The following TMEM135 variants were observed in gnomAD, a reference collection of about 807,000 sequenced individuals.
The protein encoded by TMEM135 is peroxisomal membrane protein 52.
Under a neutral mutation model 60.3 loss-of-function variants are expected in TMEM135, and 30 were observed. The ratio of observed to expected loss-of-function variants is 0.50; its 90% CI spans 0.37 to 0.68. TMEM135 has a LOEUF of 0.68. TMEM135 is among the 30% of genes least tolerant of loss of function. The pLI is 0.00. For synonymous variants in TMEM135, 190 were observed against 186.7 expected (o/e 1.02, Z -0.14); for missense variants, 468 against 548.8 (o/e 0.85, Z 1.47).
chr11:87,228,953 A>G (rs1301117071), intron 5 of TMEM135, among the ~76,000 whole-genome samples: 1 of 152,146 alleles, frequency 6.6e-6, no homozygotes, highest in African/African-American at 2.4e-5. Context: ...ATTCTACATG[A>G]CATAGTGATG....
chr11:87,301,368 G>A (rs527250162), intron 7 of TMEM135, among the ~76,000 whole-genome samples: 12 of 151,876 alleles, frequency 7.9e-5, no homozygotes, highest in Middle Eastern at 3.4e-3. Flanking sequence ...ATCCTCCCAC[G>A]TCAGCCTCCC....
intron 6 of TMEM135, among the ~76,000 whole-genome samples, chr11:87,294,017 G>C (rs192205125): frequency 3.9e-5 from 6 of 152,158 alleles, no homozygotes; most frequent in African/African-American, 1.4e-4. Flanking sequence ...AGCCTCACCA[G>C]CATCTATTGT....
intron 2 of TMEM135, among the ~76,000 whole-genome samples, chr11:87,068,370 G>T (rs1045601774): frequency 6.6e-6 from 1 of 152,084 alleles, no homozygotes; most frequent in Non-Finnish European, 1.5e-5. Context: ...TTACTTATCT[G>T]ACATATTTAT....
At chr11:87,275,121 G>A (rs1941945009) in intron 6 of TMEM135, among the ~76,000 whole-genome samples, 2 of 151,962 alleles carry the variant, frequency 1.3e-5, no homozygotes, top group African/African-American at 2.4e-5. Flanking sequence ...AGCATGTGAA[G>A]TGTTACTATG....
chr11:87,132,422 T>C (rs1937958710), intron 4 of TMEM135, among the ~76,000 whole-genome samples: 1 of 152,190 alleles, frequency 6.6e-6, no homozygotes, highest in Admixed American at 6.5e-5. Flanking sequence ...CAAGAATTAA[T>C]GGAAAGTCCT....
rs1248487905 is a variant in TMEM135 at position 87,323,330 on chromosome 11, A to G, written c.*1997A>G. ...GAATGTATAGGTTGAGTGAATAACCAATTTGCAGTGGTGGATTGAGAAGTC... is the reference window on the plus strand; with the variant it reads ...GAATGTATAGGTTGAGTGAATAACCGATTTGCAGTGGTGGATTGAGAAGTC... On this transcript the variant is annotated 3_prime_UTR_variant, in exon 15 of 15. Transcript: ENST00000305494. 2.2e-6 allele frequency: 1 copy of G among 454,034 alleles called. No individual in the cohort carries two copies. The highest frequency in any genetic ancestry group is 7.0e-5 in the East Asian group (1 of 14,386). The allele number at this position is 454,034 out of a possible 1,614,324, so 28.1% of individuals were successfully genotyped here.
intron 5 of TMEM135, among the ~76,000 whole-genome samples, chr11:87,197,489 G>A (rs530442089): frequency 6.6e-6 from 1 of 152,162 alleles, no homozygotes; most frequent in African/African-American, 2.4e-5. Flanking sequence ...CCTGTAATTT[G>A]ACATTAGATA....
chr11:87,218,099 G>A (rs1334293601), intron 5 of TMEM135, among the ~76,000 whole-genome samples: 1 of 152,106 alleles, frequency 6.6e-6, no homozygotes, highest in African/African-American at 2.4e-5. Flanking sequence ...GGTGGGGATG[G>A]CAGAGGGGTG....
intron 4 of TMEM135, among the ~76,000 whole-genome samples, chr11:87,138,493 C>T (rs573082581): frequency 6.7e-6 from 1 of 149,000 alleles, no homozygotes; most frequent in East Asian, 1.9e-4. Context: ...TTTGCTAAAC[C>T]ACATACCCCA....
chr11:87,075,125 C>A (rs563559953), intron 3 of TMEM135, among the ~76,000 whole-genome samples: 94 of 152,146 alleles, frequency 6.2e-4, no homozygotes, highest in African/African-American at 2.2e-3. Flanking sequence ...CACCACTATG[C>A]TCAGCTAATT....
In TMEM135 at chr11:87,323,565, G is replaced by A; in HGVS notation, c.*2232G>A. The A allele has an allele frequency of 4.4e-6, 2 of 453,026 alleles. No homozygotes were observed. The highest frequency in any genetic ancestry group is 8.8e-6 in the Non-Finnish European group (2 of 226,516). 28.1% of individuals were successfully genotyped at this position (453,026 alleles called of 1,614,324 possible). A position where few individuals can be genotyped will look rare whatever the true frequency, so the allele number is the denominator to read the frequency against. ...TAGTTTATTTATATCCTGAAGAAAT[G>A]GTAAGTTTTCACTGGAACTGATTAC... On this transcript the variant is annotated 3_prime_UTR_variant, in exon 15 of 15. Transcript: ENST00000305494.
At position 87,238,760 on chromosome 11, in the gene TMEM135, A is replaced by T. The variant is rs374683869; in HGVS notation, c.509+2076A>T. Among the ~76,000 whole-genome samples, 8 of 152,168 alleles carry T rather than the reference A, an allele frequency of 5.3e-5. No homozygotes were observed. In the East Asian group the frequency reaches 1.5e-3, roughly 29 times the overall value. ...TATTTTTATGTTCTATCTAGCCTGA[A>T]GATATAGCATACCCAGTAGGGAAAA... On this transcript the variant is annotated intron_variant, in intron 6 of 14. Coordinates refer to ENST00000305494, the MANE Select transcript of TMEM135 (RefSeq NM_022918.4).
intron 5 of TMEM135, among the ~76,000 whole-genome samples, chr11:87,203,955 C>T (rs1362519071): frequency 1.3e-5 from 2 of 151,864 alleles, no homozygotes; most frequent in Admixed American, 1.3e-4. Flanking sequence ...AATATTTTTG[C>T]CTTTATCATT....
chr11:87,062,632 T>G (rs1452043366), intron 1 of TMEM135, among the ~76,000 whole-genome samples: 1 of 151,412 alleles, frequency 6.6e-6, no homozygotes, highest in Non-Finnish European at 1.5e-5. Flanking sequence ...GCCCGGCTAA[T>G]TTTTGTATTT....
intron 5 of TMEM135, among the ~76,000 whole-genome samples, chr11:87,158,795 G>A (rs940760320): frequency 6.6e-6 from 1 of 152,102 alleles, no homozygotes; most frequent in Non-Finnish European, 1.5e-5. Context: ...AGTATATTTT[G>A]TCTATACAGA....
rs373594054 is a variant in TMEM135, at chr11:87,092,450, T to C, written c.396+1055T>C. 1.1e-4 allele frequency among the ~76,000 whole-genome samples: 17 copies of C among 152,310 alleles called. No homozygotes were observed. The South Asian group carries it at 1.7e-3, about 15-fold the overall frequency. On this transcript the variant is annotated intron_variant, in intron 4 of 14. Transcript: ENST00000305494. Reference sequence around the variant, plus strand: ...AGAAAACTGCTCATGTAAGGAATGATACCTAAATTTCATTTCAGAGTGTTC... The same window carrying C: ...AGAAAACTGCTCATGTAAGGAATGACACCTAAATTTCATTTCAGAGTGTTC...
intron 6 of TMEM135, among the ~76,000 whole-genome samples, chr11:87,280,864 G>A (rs562657601): frequency 1.3e-5 from 2 of 152,232 alleles, no homozygotes; most frequent in South Asian, 4.1e-4. Flanking sequence ...AGACTTTATG[G>A]TCTCACCTCT....
intron 6 of TMEM135, among the ~76,000 whole-genome samples, chr11:87,247,752 G>C (rs372931554): frequency 2.0e-5 from 3 of 152,074 alleles, no homozygotes; most frequent in African/African-American, 7.2e-5. Context: ...TCCAGGTGCC[G>C]TCTGTCACCC....
rs1939336910 is a variant in TMEM135, at chr11:87,175,189, A to G, written c.462+17783A>G. Reference sequence around the variant, plus strand: ...CTCCAATTCCATGAATCAAAACAACATATTATATTTTGGCAGGTTCTTAGA... The same window carrying G: ...CTCCAATTCCATGAATCAAAACAACGTATTATATTTTGGCAGGTTCTTAGA... On this transcript the variant is annotated intron_variant, in intron 5 of 14. Coordinates refer to ENST00000305494, the MANE Select transcript of TMEM135 (RefSeq NM_022918.4). Among the ~76,000 whole-genome samples, 8 of 152,198 alleles carry G rather than the reference A, an allele frequency of 5.3e-5. No individual in the cohort carries two copies. The South Asian group carries it at 1.2e-3, about 24-fold the overall frequency.
Sources: allele counts gnomAD v4.1 joint callset (sites outside exome capture counted in the v4.1 genomes callset), GRCh38; gene constraint gnomAD v4.1.1; transcripts MANE v1.5; gene names NCBI Gene and HGNC (gene_info 2026-07-23, HGNC 2026-07-21).